Variants in GFRA2 observed in about 807,000 individuals in gnomAD.
The protein encoded by GFRA2 is GDNF family receptor alpha-2.
A neutral mutation model predicts 48.3 loss-of-function variants in GFRA2; 17 were observed. The ratio of observed to expected loss-of-function variants is 0.35; its 90% CI spans 0.24 to 0.53. The LOEUF is 0.53. Ranked by LOEUF, GFRA2 falls within the 20% of genes least tolerant of loss-of-function variation. GFRA2 has a pLI of 0.93. For missense variants in GFRA2, 660 were observed against 637.3 expected (o/e 1.04, Z -0.38); for synonymous variants, 305 against 257.2 (o/e 1.19, Z -1.78).
At chr8:21,724,828 T>C (rs1294764043) in intron 4 of GFRA2, among the ~76,000 whole-genome samples, 1 of 152,074 alleles carries the variant, frequency 6.6e-6, no homozygotes, top group Non-Finnish European at 1.5e-5. Context: ...CAAATACAGG[T>C]AGCACAGGGA....
At chr8:21,707,502 C>T (rs779362005) in intron 4 of GFRA2, among the ~76,000 whole-genome samples, 5 of 152,128 alleles carry the variant, frequency 3.3e-5, no homozygotes, top group South Asian at 2.1e-4. Context: ...TGGACAAATT[C>T]GTTTCTCTGG....
At chr8:21,723,953 G>A (rs1803731974) in intron 4 of GFRA2, among the ~76,000 whole-genome samples, 1 of 152,108 alleles carries the variant, frequency 6.6e-6, no homozygotes, top group Non-Finnish European at 1.5e-5. Context: ...AAGCCCCAGG[G>A]AAGGAAATCA....
chr8:21,763,357 G>A (rs1471062384), intron 3 of GFRA2, among the ~76,000 whole-genome samples: 1 of 152,006 alleles, frequency 6.6e-6, no homozygotes, highest in African/African-American at 2.4e-5. Flanking sequence ...TGTCCTCCTG[G>A]GAAGTTCATG....
intron 3 of GFRA2, among the ~76,000 whole-genome samples, chr8:21,760,083 G>A (rs113995435): frequency 1.5e-4 from 23 of 152,238 alleles, no homozygotes; most frequent in South Asian, 6.2e-4. Flanking sequence ...AGCTTGGCAC[G>A]TTCCTAATCA....
At chr8:21,737,836 G>A in intron 4 of GFRA2, among the ~76,000 whole-genome samples, 1 of 152,096 alleles carries the variant, frequency 6.6e-6, no homozygotes, top group South Asian at 2.1e-4. Flanking sequence ...ATCAAACAGG[G>A]CCTCCTCTTC....
intron 2 of GFRA2, 36 bp downstream of exon 2, chr8:21,782,549 A>AC: frequency 6.7e-7 from 1 of 1,489,258 alleles, no homozygotes; most frequent in South Asian, 1.2e-5. Context: ...CCTGCGCCAC[A>AC]CCCCCTCCCC....
chr8:21,758,524 C>T (rs1305428662), intron 3 of GFRA2, among the ~76,000 whole-genome samples: 1 of 152,118 alleles, frequency 6.6e-6, no homozygotes, highest in Non-Finnish European at 1.5e-5. Flanking sequence ...CTGAGCCCAC[C>T]CTGGGTCCCT....
At chr8:21,698,834 T>C (rs534458955) in intron 7 of GFRA2, among the ~76,000 whole-genome samples, 1 of 150,768 alleles carries the variant, frequency 6.6e-6, no homozygotes, top group African/African-American at 2.4e-5. Flanking sequence ...CACTCTGTGC[T>C]GTCCTGACTC....
At chr8:21,695,353 AG>A (rs1455672382) in intron 7 of GFRA2, among the ~76,000 whole-genome samples, 4 of 152,138 alleles carry the variant, frequency 2.6e-5, no homozygotes, top group African/African-American at 9.7e-5. Context: ...GGGCACTTCC[AG>A]GGAAGTTCTG....
rs1801868742 is a variant in GFRA2, at chr8:21,691,113, A to G, written c.*2165T>C. ...CATTGAGGGGACCTGCGATTGGGAG[A>G]TGGGAAAACTGCATCCTATTGTCCA... On this transcript the variant is annotated 3_prime_UTR_variant, in exon 9 of 9. Coordinates refer to ENST00000524240, the MANE Select transcript of GFRA2 (RefSeq NM_001495.5). 3 of 152,208 alleles carry G rather than the reference A, an allele frequency of 2.0e-5. No individual in the cohort carries two copies. The highest frequency in any genetic ancestry group is 2.0e-4 in the Admixed American group (3 of 15,284). 9.4% of individuals were successfully genotyped at this position (152,208 alleles called of 1,614,324 possible). A position where few individuals can be genotyped will look rare whatever the true frequency, so the allele number is the denominator to read the frequency against.
rs57683189 is a variant in GFRA2 at position 21,699,617 on chromosome 8, T to C, written c.1218+3188A>G. The stretch of plus-strand genomic sequence containing the variant: ...CCCTGCAGCCCTCACTGCACTGCCC[T>C]GGTCCAGGCCCCATCATAAGACCAC... On this transcript the variant is annotated intron_variant, in intron 7 of 8. Transcript: ENST00000524240. 1.9e-3 allele frequency among the ~76,000 whole-genome samples: 289 copies of C among 152,290 alleles called. 3 individuals carry two copies. Among genetic ancestry groups the C allele is most frequent in the African/African-American group, 6.1e-3 (255 of 41,574 alleles).
upstream of GFRA2, among the ~76,000 whole-genome samples, chr8:21,789,021 G>A (rs1243877844): frequency 2.1e-5 from 2 of 97,322 alleles, no homozygotes; most frequent in African/African-American, 1.8e-4. Context: ...GGGCTCCCAG[G>A]CGGCTGGCGG....
chr8:21,753,885 C>A (rs60666109), intron 3 of GFRA2, among the ~76,000 whole-genome samples: 1 of 152,192 alleles, frequency 6.6e-6, no homozygotes, highest in Non-Finnish European at 1.5e-5. Context: ...TCCATTCCAG[C>A]CACCCCAGCC....
chr8:21,750,694 C>T lies in GFRA2; in HGVS notation c.688G>A (p.Ala230Thr), dbSNP rs1805246559. ...AGGATGGTTTGCCGGCGGCGCTCAG[C>T]GCACGCCTGGTCTTGGCAGGAGCAG... ...LFCSCQDQACAERRRQTILPS... is the reference protein window; with the variant it reads ...LFCSCQDQACTERRRQTILPS... The change falls in exon 4 of 9, where the codon GCT becomes ACT. Residue 230 changes from alanine (A) to threonine (T), a missense_variant. Ala to Thr is a moderately conservative substitution (Grantham distance 58). Coordinates refer to ENST00000524240, the MANE Select transcript of GFRA2 (RefSeq NM_001495.5). The surrounding 1 kb of genome is among the most constrained non-coding windows in gnomAD (Gnocchi z 5.7). The T allele has an allele frequency of 5.6e-6, 9 of 1,613,706 alleles. No homozygotes were observed. The highest frequency in any genetic ancestry group is 4.5e-5 in the East Asian group (2 of 44,878).
At chr8:21,777,713 A>G (rs1220533258) in intron 2 of GFRA2, among the ~76,000 whole-genome samples, 1 of 152,180 alleles carries the variant, frequency 6.6e-6, no homozygotes, top group Non-Finnish European at 1.5e-5. Context: ...AATGGCAGTG[A>G]GGAAAACGGG....
chr8:21,751,275 C>T (rs1284977507), intron 3 of GFRA2, among the ~76,000 whole-genome samples: 1 of 152,160 alleles, frequency 6.6e-6, no homozygotes, highest in East Asian at 1.9e-4. Context: ...GCCCTGTTTA[C>T]AAATATGGGA....
Position 21,693,391 on chromosome 8 carries a change from T to G in GFRA2, c.1282A>C (p.Asn428His). 1 of 1,610,820 alleles carries G rather than the reference T, an allele frequency of 6.2e-7. No homozygotes were observed. Among genetic ancestry groups the G allele is most frequent in the Non-Finnish European group, 8.5e-7 (1 of 1,178,414 alleles). ...LSMCFTELTT[N>H]IIPGSNKVIK... The stretch of plus-strand genomic sequence containing the variant: ...ACCTTGTTACTCCCTGGGATGATAT[T>G]TGTCGTGAGCTGAGTCCGCAGCAGG... The change falls in exon 9 of 9, where the codon AAT becomes CAT. Residue 428 changes from asparagine (N) to histidine (H), a missense_variant. Coordinates refer to ENST00000524240, the MANE Select transcript of GFRA2 (RefSeq NM_001495.5).
In GFRA2 at chr8:21,788,860, G is replaced by GCTCTCTCCAGCTCTCC; in HGVS notation, c.-702_-701insGGAGAGCTGGAGAGAG. On this transcript the variant is annotated 5_prime_UTR_variant, in exon 1 of 9. Transcript: ENST00000524240. ...TCTCCCTCGCTCGCTCTTTGCTCTC[G>GCTCTCTCCAGCTCTCC]CTCTCTCCAGCTCTCCCTCGCTCTC... The GCTCTCTCCAGCTCTCC allele has an allele frequency of 1.1e-6, 1 of 882,360 alleles. No homozygotes were observed. The allele number at this position is 882,360 out of a possible 1,614,324, so 54.7% of individuals were successfully genotyped here.
chr8:21,780,452 C>T (rs2117732455), intron 2 of GFRA2, among the ~76,000 whole-genome samples: 1 of 152,240 alleles, frequency 6.6e-6, no homozygotes, highest in East Asian at 1.9e-4. Flanking sequence ...AGGCTCCCTT[C>T]CCCACATCCT....
Sources: allele counts gnomAD v4.1 joint callset (sites outside exome capture counted in the v4.1 genomes callset), GRCh38; gene constraint gnomAD v4.1.1; non-coding constraint Gnocchi (gnomAD v3.1); transcripts MANE v1.5; gene names NCBI Gene and HGNC (gene_info 2026-07-23, HGNC 2026-07-21).